The following C10orf90 variants were observed in gnomAD, a reference collection of about 807,000 sequenced individuals.
C10orf90 encodes chromosome 10 open reading frame 90.
A neutral mutation model predicts 62.5 loss-of-function variants in C10orf90; 56 were observed. The observed-to-expected ratio is 0.90, with a 90% CI of 0.72 to 1.12. C10orf90 has a LOEUF of 1.12. C10orf90 is among the 50% of genes most tolerant of loss of function. The pLI, the probability that C10orf90 is intolerant of heterozygous loss-of-function variation, is 0.00. For missense variants in C10orf90, 970 were observed against 880.4 expected, an observed-to-expected ratio of 1.10 and a Z score of -1.29; for synonymous variants, 386 against 340.4, an observed-to-expected ratio of 1.13 and a Z score of -1.47.
intron 7 of C10orf90, among the ~76,000 whole-genome samples, chr10:126,432,883 C>T (rs1449994501): frequency 6.6e-6 from 1 of 152,230 alleles, no homozygotes; most frequent in Non-Finnish European, 1.5e-5. Context: ...ATTTAAGGAG[C>T]TTTGCAATCC....
intron 2 of C10orf90, among the ~76,000 whole-genome samples, chr10:126,544,413 C>T (rs1005898135): frequency 1.3e-5 from 2 of 152,148 alleles, no homozygotes; most frequent in Non-Finnish European, 2.9e-5. Context: ...ACCAGGCGCT[C>T]GTGGGCCACT....
chr10:126,508,788 G>A (rs1862921169), intron 3 of C10orf90, among the ~76,000 whole-genome samples: 1 of 152,154 alleles, frequency 6.6e-6, no homozygotes, highest in Non-Finnish European at 1.5e-5. Context: ...GGGCCTCCAG[G>A]CTTCCTCGTA....
chr10:126,508,147 G>A (rs1200982941), intron 3 of C10orf90, among the ~76,000 whole-genome samples: 1 of 129,196 alleles, frequency 7.7e-6, no homozygotes. Flanking sequence ...CACCTAGAGT[G>A]AATGAGTGAG....
chr10:126,455,165 C>G (rs553875191), intron 7 of C10orf90, among the ~76,000 whole-genome samples: 3 of 152,188 alleles, frequency 2.0e-5, no homozygotes. Flanking sequence ...CTTTTGACCT[C>G]AGAACAAGGT....
At chr10:126,509,963 C>T (rs1862997659) in intron 3 of C10orf90, among the ~76,000 whole-genome samples, 1 of 152,292 alleles carries the variant, frequency 6.6e-6, no homozygotes, top group Non-Finnish European at 1.5e-5. Context: ...ATTAAGATGT[C>T]ACAGGGTTGG....
chr10:126,571,163 C>T (rs1212305960), intron 2 of C10orf90, among the ~76,000 whole-genome samples: 1 of 152,228 alleles, frequency 6.6e-6, no homozygotes, highest in Non-Finnish European at 1.5e-5. Flanking sequence ...CCAGTGAGAG[C>T]AATGCACCCA....
intron 2 of C10orf90, among the ~76,000 whole-genome samples, chr10:126,564,835 T>TAATATATATTATATATA (rs1844265334): frequency 3.1e-4 from 1 of 3,198 alleles, no homozygotes; most frequent in African/African-American, 9.1e-4. Context: ...TCTCTCTCTA[T>TAATATATATTATATATA]ATATATATTA....
intron 2 of C10orf90, among the ~76,000 whole-genome samples, chr10:126,606,198 C>G: frequency 6.6e-6 from 1 of 152,240 alleles, no homozygotes; most frequent in African/African-American, 2.4e-5. Flanking sequence ...AGGAATTGTA[C>G]TGATGCATTA....
chr10:126,510,137 A>G (rs1274474098), intron 3 of C10orf90, among the ~76,000 whole-genome samples: 1 of 152,102 alleles, frequency 6.6e-6, no homozygotes, highest in Non-Finnish European at 1.5e-5. Context: ...CTTAACCTTA[A>G]TCACTTCTTT....
chr10:126,632,111 A>G (rs888170317), intron 2 of C10orf90, among the ~76,000 whole-genome samples: 1 of 152,168 alleles, frequency 6.6e-6, no homozygotes, highest in African/African-American at 2.4e-5. Flanking sequence ...CCCAGAAACC[A>G]GAAGTCTCAG....
At position 126,511,735 on chromosome 10, in the gene C10orf90, C is replaced by T. The variant is rs544812956; in HGVS notation, c.405+2113G>A. Among the ~76,000 whole-genome samples the T allele has an allele frequency of 3.6e-4, 55 of 152,214 alleles. 1 individual carries two copies. Among genetic ancestry groups the T allele is most frequent in the African/African-American group, 1.1e-3 (45 of 41,540 alleles). ...CAAGAGAGCTACAAAAGTTAATATG[C>T]ATCACAGTCTTATGTTAAAATGCTG... On this transcript the variant is annotated intron_variant, in intron 3 of 9. Transcript: ENST00000488181.
chr10:126,466,143 G>A (rs1353484230), intron 4 of C10orf90, among the ~76,000 whole-genome samples: 1 of 152,078 alleles, frequency 6.6e-6, no homozygotes, highest in Non-Finnish European at 1.5e-5. Context: ...CCATGCTGAT[G>A]CCACCCAAGA....
chr10:126,509,432 T>C (rs1862961365), intron 3 of C10orf90, among the ~76,000 whole-genome samples: 1 of 152,210 alleles, frequency 6.6e-6, no homozygotes, highest in African/African-American at 2.4e-5. Context: ...GATACCATAT[T>C]TCAGTGGAAT....
intron 2 of C10orf90, among the ~76,000 whole-genome samples, chr10:126,581,859 C>T (rs1055644359): frequency 8.5e-5 from 13 of 152,288 alleles, no homozygotes; most frequent in African/African-American, 2.6e-4. Flanking sequence ...TGGACTGATT[C>T]GGACAGGTGC....
At chr10:126,649,080 C>CCG (rs1554932183) in intron 1 of C10orf90, among the ~76,000 whole-genome samples, 1 of 118,754 alleles carries the variant, frequency 8.4e-6, no homozygotes, top group African/African-American at 3.3e-5. Flanking sequence ...CTCCCCCCCC[C>CCG]CCAGCAATTC....
At chr10:126,600,998 T>C (rs1845187983) in intron 2 of C10orf90, among the ~76,000 whole-genome samples, 1 of 152,214 alleles carries the variant, frequency 6.6e-6, no homozygotes, top group Non-Finnish European at 1.5e-5. Flanking sequence ...GTGTATACAA[T>C]GGAGTATTAT....
intron 2 of C10orf90, among the ~76,000 whole-genome samples, chr10:126,587,940 T>A (rs1844906399): frequency 6.6e-6 from 1 of 152,170 alleles, no homozygotes; most frequent in Admixed American, 6.5e-5. Context: ...AGTTAATGCA[T>A]TCCCTTAGGA....
chr10:126,482,592 C>T (rs1475977453), intron 4 of C10orf90, among the ~76,000 whole-genome samples: 3 of 152,178 alleles, frequency 2.0e-5, no homozygotes, highest in African/African-American at 4.8e-5. Context: ...AGCTCAATTG[C>T]ACTGTCACTG....
intron 3 of C10orf90, among the ~76,000 whole-genome samples, chr10:126,512,392 G>C (rs61865863): frequency 2.1e-4 from 3 of 14,438 alleles, no homozygotes; most frequent in Non-Finnish European, 3.7e-4. Flanking sequence ...GTGTCTGTGT[G>C]TGTGTGTGTG....
Sources: gnomAD v4.1 joint callset for allele counts (sites outside exome capture counted in the v4.1 genomes callset) on GRCh38, gnomAD v4.1.1 for gene constraint, MANE v1.5 for transcripts, NCBI Gene and HGNC (gene_info 2026-07-23, HGNC 2026-07-21) for gene names.